Variants in CLTRN observed in about 807,000 individuals in gnomAD.
The protein encoded by CLTRN is collectrin.
A neutral mutation model predicts 14.5 loss-of-function variants in CLTRN; 12 were observed. The ratio of observed to expected loss-of-function variants is 0.83; its 90% CI spans 0.53 to 1.34. The LOEUF is 1.34. Among genes scored for constraint, CLTRN ranks in the 40% most tolerant of loss-of-function variants. CLTRN has a pLI of 0.00. For synonymous variants in CLTRN, 58 were observed against 56.5 expected (o/e 1.03, Z -0.12); for missense variants, 154 against 165.1 (o/e 0.93, Z 0.37).
chrX:15,643,320 A>G (rs1024392671), intron 4 of CLTRN, among the ~76,000 whole-genome samples: 23 of 111,327 alleles, frequency 2.1e-4, no homozygotes, highest in African/African-American at 7.5e-4. Flanking sequence ...AGTTTCCTTT[A>G]TTTTCATCCA....
chrX:15,648,317 C>A (rs1246003575), intron 3 of CLTRN, among the ~76,000 whole-genome samples: 4 of 111,460 alleles, frequency 3.6e-5, no homozygotes, highest in African/African-American at 9.8e-5. Context: ...ACGATCAGGC[C>A]AGATAATTTT....
intron 2 of CLTRN, among the ~76,000 whole-genome samples, chrX:15,662,766 C>T (rs777952491): frequency 3.6e-5 from 4 of 111,413 alleles, no homozygotes; most frequent in Admixed American, 9.6e-5. Flanking sequence ...CCATATTGTC[C>T]AACACAATGA....
intron 3 of CLTRN, among the ~76,000 whole-genome samples, chrX:15,652,404 T>C: frequency 9.1e-6 from 1 of 110,242 alleles, no homozygotes; most frequent in Non-Finnish European, 1.9e-5. Flanking sequence ...AATTCTAATT[T>C]ATTGTTCATC....
chrX:15,642,763 C>A, intron 4 of CLTRN, among the ~76,000 whole-genome samples: 1 of 111,481 alleles, frequency 9.0e-6, no homozygotes, highest in Non-Finnish European at 1.9e-5. Flanking sequence ...TCAGTTTCTT[C>A]ATTTATAAAG....
At chrX:15,658,904 T>A (rs763622629) in intron 3 of CLTRN, 112 bp downstream of exon 3, 1 of 341,488 alleles carries the variant, frequency 2.9e-6, no homozygotes, top group Admixed American at 4.3e-5. Flanking sequence ...AAAGTGTGAA[T>A]CCCTTTGAAA....
rs1928849187 is a variant in CLTRN at position 15,637,661 on chromosome X, C to T, written c.512+1901G>A. On this transcript the variant is annotated intron_variant, in intron 5 of 5. Coordinates refer to ENST00000380342, the MANE Select transcript of CLTRN (RefSeq NM_020665.6). ...AGGAAAGAGATAGCTGATCCCAATA[C>T]AAACTAGCTGAAAGGCCAGCAAATG... Among the ~76,000 whole-genome samples the T allele has an allele frequency of 2.7e-5, 3 of 111,942 alleles. No individual in the cohort carries two copies. The Admixed American group carries it at 2.9e-4, about 11-fold the overall frequency.
In CLTRN at chrX:15,660,932, C is replaced by T. The variant is rs534017668; in HGVS notation, c.118-1831G>A. Among the ~76,000 whole-genome samples, 29 of 112,471 alleles carry T rather than the reference C, an allele frequency of 2.6e-4. No individual in the cohort carries two copies. In the South Asian group the frequency reaches 0.01, roughly 40 times the overall value. On this transcript the variant is annotated intron_variant, in intron 2 of 5. Transcript: ENST00000380342. The stretch of plus-strand genomic sequence containing the variant: ...TCAACTTTAGATCTTATTTGAAGTG[C>T]TCCTTCAATGTTTTGATGTGAACTT...
intron 4 of CLTRN, among the ~76,000 whole-genome samples, chrX:15,644,078 T>C (rs145854172): frequency 8.9e-6 from 1 of 111,862 alleles, no homozygotes; most frequent in East Asian, 2.8e-4. Context: ...CTCGAATTCG[T>C]TTCACTTTTG....
upstream of CLTRN, among the ~76,000 whole-genome samples, chrX:15,668,042 C>T (rs1036794085): frequency 6.3e-5 from 7 of 111,904 alleles, no homozygotes; most frequent in African/African-American, 2.3e-4. Context: ...TATTTGTGTT[C>T]TCATTTTTAA....
At chrX:15,636,146 C>T (rs1928813651) in intron 5 of CLTRN, among the ~76,000 whole-genome samples, 1 of 111,910 alleles carries the variant, frequency 8.9e-6, no homozygotes, top group Admixed American at 9.5e-5. Context: ...ATGGAAGTTC[C>T]TCAAAAAATA....
intron 3 of CLTRN, chrX:15,646,248 T>G: frequency 4.1e-6 from 1 of 241,313 alleles, no homozygotes; most frequent in East Asian, 1.1e-4. Context: ...GGCCAGACCG[T>G]ACCCGGCACA....
At position 15,639,575 on chromosome X, in the gene CLTRN, A is replaced by G. The variant is rs1928890390; in HGVS notation, c.499T>C (p.Trp167Arg). 1 of 1,206,527 alleles carries G rather than the reference A, an allele frequency of 8.3e-7. No individual in the cohort carries two copies. The highest frequency in any genetic ancestry group is 1.7e-5 in the African/African-American group (1 of 57,703). ...AIALLILSGI[W>R]QRRRKNKEPS... ...TAAATATCTTACCTTCTACGTTGCC[A>G]GATCCCTGATAAAATCAGTAGTGCA... The change falls in exon 5 of 6, where the codon TGG becomes CGG. Residue 167 changes from tryptophan (W) to arginine (R), a missense_variant. Trp to Arg is a moderately radical substitution (Grantham distance 101, BLOSUM62 -3). Transcript: ENST00000380342.
chrX:15,663,626 G>C (rs1228846549), intron 2 of CLTRN, among the ~76,000 whole-genome samples: 1 of 112,023 alleles, frequency 8.9e-6, no homozygotes, highest in Non-Finnish European at 1.9e-5. Context: ...TGATGAACTG[G>C]CCTGCAAACA....
At chrX:15,635,794 TG>T (rs1238272252) in intron 5 of CLTRN, among the ~76,000 whole-genome samples, 1 of 111,784 alleles carries the variant, frequency 8.9e-6, no homozygotes, top group South Asian at 3.7e-4. Flanking sequence ...GAAACGTTTC[TG>T]CACAGCAAAG....
At chrX:15,643,978 C>G (rs1012283230) in intron 4 of CLTRN, among the ~76,000 whole-genome samples, 4 of 111,912 alleles carry the variant, frequency 3.6e-5, no homozygotes, top group Middle Eastern at 4.7e-3. Flanking sequence ...TGCCCAACAT[C>G]AATCACATGT....
At chrX:15,643,509 T>C (rs1272562121) in intron 4 of CLTRN, among the ~76,000 whole-genome samples, 1 of 112,429 alleles carries the variant, frequency 8.9e-6, no homozygotes, top group East Asian at 2.8e-4. Flanking sequence ...TCCTATCAAC[T>C]GAAGGACTGG....
chrX:15,666,779 C>T (rs1929629633), upstream of CLTRN, among the ~76,000 whole-genome samples: 4 of 111,432 alleles, frequency 3.6e-5, no homozygotes, highest in Admixed American at 3.8e-4. Context: ...AGGAAGAGCT[C>T]ACCTAGCTAA....
chrX:15,675,001 G>C (rs1272746533), exon 1 of CLTRN: 1 of 113,005 alleles, frequency 8.8e-6, no homozygotes, highest in East Asian at 2.8e-4. Context: ...GAGGGGTCTT[G>C]CCTGTTCCGA....
chrX:15,670,104 CCT>C (rs2147218234), intron 1 of CLTRN, among the ~76,000 whole-genome samples: 1 of 109,435 alleles, frequency 9.1e-6, no homozygotes, highest in African/African-American at 3.3e-5. Context: ...GGCGAAACCC[CCT>C]CTCTACAAAA....
Sources: gnomAD v4.1 joint callset for allele counts (sites outside exome capture counted in the v4.1 genomes callset) on GRCh38, gnomAD v4.1.1 for gene constraint, MANE v1.5 for transcripts, NCBI Gene and HGNC (gene_info 2026-07-23, HGNC 2026-07-21) for gene names.